CRYM: variants seen among roughly 807,000 people sequenced by gnomAD.
The protein encoded by CRYM is ketimine reductase mu-crystallin.
CRYM carries 18 observed loss-of-function variants against 32.9 expected under a neutral mutation model. The ratio of observed to expected loss-of-function variants is 0.55; its 90% CI spans 0.38 to 0.81. The LOEUF (loss-of-function observed/expected upper bound fraction) is 0.81, where lower values mean the gene tolerates loss of function less well. CRYM is among the 30% of genes least tolerant of loss of function. CRYM has a pLI of 0.00. For synonymous variants in CRYM, 153 were observed against 152.4 expected (o/e 1.00, Z -0.03); for missense variants, 337 against 393.5 (o/e 0.86, Z 1.21).
intron 3 of CRYM, among the ~76,000 whole-genome samples, chr16:21,270,956 A>G (rs1379511251): frequency 4.6e-5 from 7 of 152,224 alleles, no homozygotes; most frequent in Admixed American, 4.6e-4. Context: ...ACCAGGCCAT[A>G]GCACTTATTT....
intron 3 of CRYM, among the ~76,000 whole-genome samples, chr16:21,274,107 G>C (rs761206487): frequency 7.2e-5 from 11 of 152,226 alleles, no homozygotes; most frequent in Non-Finnish European, 1.3e-4. Flanking sequence ...AGGAAAACCA[G>C]TGTCCCAAGA....
intron 5 of CRYM, among the ~76,000 whole-genome samples, chr16:21,263,323 C>G (rs1354394634): frequency 6.6e-6 from 1 of 152,130 alleles, no homozygotes. Context: ...ATCTCTTGAA[C>G]CTGGGAGTTG....
chr16:21,301,926 C>T (rs991528076), intron 1 of CRYM, among the ~76,000 whole-genome samples: 3 of 152,210 alleles, frequency 2.0e-5, no homozygotes, highest in Non-Finnish European at 2.9e-5. Context: ...CTTCTTCTGC[C>T]GGCGTCCCCC....
chr16:21,280,723 T>C (rs966057080), upstream of CRYM, among the ~76,000 whole-genome samples: 1 of 151,998 alleles, frequency 6.6e-6, no homozygotes, highest in Non-Finnish European at 1.5e-5. Flanking sequence ...TGCCACAGAG[T>C]TTTTGTTTTC....
chr16:21,292,209 T>C (rs1221198960), intron 1 of CRYM, among the ~76,000 whole-genome samples: 1 of 152,068 alleles, frequency 6.6e-6, no homozygotes, highest in Non-Finnish European at 1.5e-5. Flanking sequence ...ATGAATGATC[T>C]ACCAAAAAAG....
chr16:21,282,129 G>A (rs983638667), upstream of CRYM, among the ~76,000 whole-genome samples: 2 of 152,190 alleles, frequency 1.3e-5, no homozygotes, highest in Admixed American at 6.5e-5. Context: ...TGAGTCTCAC[G>A]AGATCTGATG....
intron 1 of CRYM, chr16:21,300,395 C>T (rs1960881881): frequency 6.6e-6 from 1 of 151,436 alleles, no homozygotes; most frequent in Non-Finnish European, 1.5e-5. Context: ...AGCTAAAGAG[C>T]AATTTGATTT....
Position 21,297,592 on chromosome 16 carries a change from A to G in CRYM, c.-193+5386T>C, listed in dbSNP as rs116626401. ...GCTAAATGAAAGGTATCTGTGTGAT[A>G]AAATATAACATAATTGATACATATT... On this transcript the variant is annotated intron_variant, in intron 1 of 9. Coordinates refer to the CRYM transcript ENST00000219599. 6.2e-3 allele frequency among the ~76,000 whole-genome samples: 948 copies of G among 152,364 alleles called. 7 individuals are homozygous for G. The highest frequency in any genetic ancestry group is 0.021 in the African/African-American group (891 of 41,584).
intron 1 of CRYM, among the ~76,000 whole-genome samples, chr16:21,289,268 T>C (rs1960553539): frequency 6.6e-6 from 1 of 152,212 alleles, no homozygotes; most frequent in African/African-American, 2.4e-5. Context: ...GTTAGGACCA[T>C]ATATGTTTGT....
chr16:21,280,231 T>G (rs533169593), upstream of CRYM, among the ~76,000 whole-genome samples: 79 of 152,132 alleles, frequency 5.2e-4, no homozygotes, highest in Admixed American at 9.2e-4. Context: ...AATACAAAAA[T>G]TAGCTGGGTG....
intron 1 of CRYM, among the ~76,000 whole-genome samples, chr16:21,296,381 T>C: frequency 6.6e-6 from 1 of 152,012 alleles, no homozygotes; most frequent in East Asian, 1.9e-4. Context: ...CAGGGAGAAA[T>C]AAGGCAATAT....
At chr16:21,297,579 G>A (rs1418980664) in intron 1 of CRYM, among the ~76,000 whole-genome samples, 1 of 152,140 alleles carries the variant, frequency 6.6e-6, no homozygotes, top group African/African-American at 2.4e-5. Context: ...TAAATGAAAG[G>A]TATCTGTGTG....
At chr16:21,282,607 T>C (rs226034), upstream of CRYM, among the ~76,000 whole-genome samples, 36,950 of 152,070 alleles carry the variant, frequency 0.24, 4,713 homozygotes, top group African/African-American at 0.29. Flanking sequence ...AGTTTATTAA[T>C]CTTCTTTAAG....
intron 1 of CRYM, chr16:21,301,357 G>A (rs1238694573): frequency 6.6e-6 from 1 of 151,164 alleles, no homozygotes; most frequent in Non-Finnish European, 1.5e-5. Context: ...TCAGGGACTT[G>A]GGGCATAGGG....
chr16:21,302,859 G>T (rs1960987815), intron 1 of CRYM: 1 of 152,232 alleles, frequency 6.6e-6, no homozygotes, highest in African/African-American at 2.4e-5. Flanking sequence ...GACAGAGAAA[G>T]AATTTACAGT....
chr16:21,280,408 AATAAAATCCT>A (rs1262528620), upstream of CRYM, among the ~76,000 whole-genome samples: 1 of 152,126 alleles, frequency 6.6e-6, no homozygotes, highest in Admixed American at 6.5e-5. Flanking sequence ...GTGAACTAAA[AATAAAATCCT>A]ATGCCCCCCA....
intron 1 of CRYM, among the ~76,000 whole-genome samples, chr16:21,293,759 ACT>A (rs1270714982): frequency 6.6e-6 from 1 of 152,222 alleles, no homozygotes; most frequent in Non-Finnish European, 1.5e-5. Flanking sequence ...ACTGCACTTC[ACT>A]GTATTAATAG....
At chr16:21,270,387 G>A (rs1053943146) in intron 3 of CRYM, among the ~76,000 whole-genome samples, 1 of 151,926 alleles carries the variant, frequency 6.6e-6, no homozygotes, top group Non-Finnish European at 1.5e-5. Flanking sequence ...GGGTTCCAGT[G>A]ATTATCCTAC....
intron 5 of CRYM, among the ~76,000 whole-genome samples, chr16:21,265,424 A>G (rs1029397105): frequency 1.3e-5 from 2 of 152,094 alleles, no homozygotes; most frequent in Non-Finnish European, 2.9e-5. Flanking sequence ...AGATAACCCT[A>G]TTGAAAACAC....
Sources: gnomAD v4.1 joint callset for allele counts (sites outside exome capture counted in the v4.1 genomes callset) on GRCh38, gnomAD v4.1.1 for gene constraint, MANE v1.5 for transcripts, NCBI Gene and HGNC (gene_info 2026-07-23, HGNC 2026-07-21) for gene names.